Variants in MLLT1 observed in about 807,000 individuals in gnomAD.
The protein encoded by MLLT1 is MLLT1 super elongation complex subunit.
A neutral mutation model predicts 55.1 loss-of-function variants in MLLT1; 11 were observed. The ratio of observed to expected loss-of-function variants is 0.20; its 90% CI spans 0.13 to 0.33. The LOEUF is 0.33. Among genes scored for constraint, MLLT1 ranks in the 10% least tolerant of loss-of-function variants. The pLI is 1.00. For missense variants in MLLT1, 536 were observed against 760.6 expected (o/e 0.70, Z 3.47); for synonymous variants, 323 against 320.1 (o/e 1.01, Z -0.10).
intron 9 of MLLT1, 63 bp downstream of exon 9, chr19:6,213,876 C>T: frequency 6.5e-7 from 1 of 1,546,292 alleles, no homozygotes; most frequent in Non-Finnish European, 8.8e-7. Flanking sequence ...CCTCCTAGGA[C>T]AGCCCGGCCC....
intron 1 of MLLT1, among the ~76,000 whole-genome samples, chr19:6,278,981 G>A (rs1039205731): frequency 6.6e-6 from 1 of 152,230 alleles, no homozygotes; most frequent in Non-Finnish European, 1.5e-5. Context: ...CCGAAGGCCA[G>A]GGTCCTAGGG....
rs1162720785 is a variant in MLLT1, at chr19:6,265,065, C to CA, written c.194-2756dup. ...AAAAAAAAACAAAAAAACAAAAAAA[C>CA]AAAAAAAAACATGATGTCATAAAGC... On this transcript the variant is annotated intron_variant, in intron 2 of 11. Transcript: ENST00000252674. 2.5e-3 allele frequency among the ~76,000 whole-genome samples: 167 copies of CA among 67,172 alleles called. 3 individuals are homozygous for CA. The highest frequency in any genetic ancestry group is 0.01 in the African/African-American group (157 of 15,570). 44.1% of individuals were successfully genotyped at this position (67,172 alleles called of 152,430 possible).
In MLLT1 at chr19:6,230,819, T is replaced by A; in HGVS notation, c.277-106A>T. The A allele has an allele frequency of 1.4e-6, 2 of 1,395,474 alleles. No homozygotes were observed. The highest frequency in any genetic ancestry group is 2.0e-6 in the Non-Finnish European group (2 of 1,018,368). The allele number at this position is 1,395,474 out of a possible 1,614,324, so 86.4% of individuals were successfully genotyped here. On this transcript the variant is annotated intron_variant, in intron 3 of 11. Coordinates refer to ENST00000252674, the MANE Select transcript of MLLT1 (RefSeq NM_005934.4). The surrounding 1 kb of genome is among the most constrained non-coding windows in gnomAD (Gnocchi z 9.0). ...CCCCTCTCCCTCACTGGGCCTCTGT[T>A]CCCCTCCCTCCGATTTGCGCCCACT...
rs1382187475 is a variant in MLLT1, at chr19:6,229,321, C to T, written c.420+1249G>A. Among the ~76,000 whole-genome samples the T allele has an allele frequency of 6.6e-6, 1 of 152,132 alleles. No individual in the cohort carries two copies. The highest frequency in any genetic ancestry group is 1.9e-4 in the East Asian group (1 of 5,186). ...GATCAGAACCACAAGCAGGGCTTCA[C>T]AAGGATCACAGCAGGACTCACTCAA... On this transcript the variant is annotated intron_variant, in intron 4 of 11. Coordinates refer to ENST00000252674, the MANE Select transcript of MLLT1 (RefSeq NM_005934.4). This position sits in a 1 kb window ranked among gnomAD's most constrained non-coding sequence, Gnocchi z 5.2.
intron 3 of MLLT1, among the ~76,000 whole-genome samples, chr19:6,257,853 AAG>A (rs1216872079): frequency 1.3e-5 from 2 of 152,166 alleles, no homozygotes; most frequent in East Asian, 3.8e-4. Flanking sequence ...TTTCTCGAGA[AAG>A]AGATACGTGC....
intron 3 of MLLT1, among the ~76,000 whole-genome samples, chr19:6,247,437 C>G (rs79321491): frequency 0.011 from 1,691 of 152,122 alleles, 31 homozygotes; most frequent in African/African-American, 0.039. Context: ...GGCCCGAATG[C>G]GAGAACAATT....
rs139655596 is a variant in MLLT1, at chr19:6,222,541, C to T, written c.690G>A (p.Ser230=). ...GCAGCCGGCCCTCGCCCAGCTTCCG[C>T]GAGGTGTCCTTGGAGCTTTTGGCCT... ...REQAKSSKDT[S]RKLGEGRLPK... Residue 230 remains serine (S), a synonymous_variant, in exon 6 of 12, where the codon TCG becomes TCA. Transcript: ENST00000252674. This position sits in a 1 kb window ranked among gnomAD's most constrained non-coding sequence, Gnocchi z 4.1. 35,665 of 1,600,756 alleles carry T rather than the reference C, an allele frequency of 0.022. 546 individuals carry two copies. The highest frequency in any genetic ancestry group is 0.047 in the Middle Eastern group (286 of 6,026).
chr19:6,230,510 C>T lies in MLLT1; in HGVS notation c.420+60G>A. ...GACACCTCTGGCTGGGCACAGACGG[C>T]CGCAGCAAAGTAGCCTCGGTGGAGC... On this transcript the variant is annotated intron_variant, in intron 4 of 11. Coordinates refer to ENST00000252674, the MANE Select transcript of MLLT1 (RefSeq NM_005934.4). The surrounding 1 kb of genome is among the most constrained non-coding windows in gnomAD (Gnocchi z 9.0). 4 of 1,593,972 alleles carry T rather than the reference C, an allele frequency of 2.5e-6. No individual in the cohort carries two copies. The highest frequency in any genetic ancestry group is 3.4e-6 in the Non-Finnish European group (4 of 1,171,882).
chr19:6,214,005 G>T lies in MLLT1; in HGVS notation c.1341C>A (p.Ser447Arg). The change falls in exon 9 of 12, where the codon AGC becomes AGA. Residue 447 changes from serine to arginine, a missense_variant. Around this residue, in one of 3 missense-constraint regions of MLLT1, gnomAD observed 449 missense variants for 489.0 expected, o/e 0.92. Coordinates refer to ENST00000252674, the MANE Select transcript of MLLT1 (RefSeq NM_005934.4). ...LSFSDSESDN[S>R]ADSSLPSREP... ...CACGGCTGGGCAGGGAGGAGTCGGC[G>T]CTGTTGTCACTCTCGCTGTCGCTGA... 6.9e-7 allele frequency: 1 copy of T among 1,454,578 alleles called. No homozygotes were observed. 90.1% of individuals were successfully genotyped at this position (1,454,578 alleles called of 1,614,324 possible). A position where few individuals can be genotyped will look rare whatever the true frequency, so the allele number is the denominator to read the frequency against.
intron 3 of MLLT1, among the ~76,000 whole-genome samples, chr19:6,251,165 A>G (rs2144918368): frequency 6.6e-6 from 1 of 152,276 alleles, no homozygotes; most frequent in South Asian, 2.1e-4. Context: ...CTGGAACTAG[A>G]AGGAGACGGC....
intron 3 of MLLT1, among the ~76,000 whole-genome samples, chr19:6,248,730 G>A (rs1168572845): frequency 6.6e-6 from 1 of 152,146 alleles, no homozygotes; most frequent in East Asian, 1.9e-4. Flanking sequence ...AACATGAATT[G>A]AAAACTGGGA....
chr19:6,210,907 C>T lies in MLLT1; in HGVS notation c.*2135G>A, dbSNP rs573388181. ...CTCTGGAGGACAACGTGAGGCCTTCCGGCCAGAGGAGGTAACTGAGAACTG... is the reference window on the plus strand; with the variant it reads ...CTCTGGAGGACAACGTGAGGCCTTCTGGCCAGAGGAGGTAACTGAGAACTG... On this transcript the variant is annotated 3_prime_UTR_variant, in exon 12 of 12. Transcript: ENST00000252674. The surrounding 1 kb of genome is among the most constrained non-coding windows in gnomAD (Gnocchi z 4.6). 9.0e-4 allele frequency: 207 copies of T among 230,762 alleles called. No individual in the cohort carries two copies. The highest frequency in any genetic ancestry group is 1.5e-3 in the Non-Finnish European group (171 of 116,496). The allele number at this position is 230,762 out of a possible 1,614,324, so 14.3% of individuals were successfully genotyped here.
chr19:6,213,907 G>A (rs781177359), intron 9 of MLLT1, 32 bp downstream of exon 9: 7 of 1,483,798 alleles, frequency 4.7e-6, no homozygotes, highest in Non-Finnish European at 5.5e-6. Context: ...CCGGCCTCTG[G>A]TGCACCCCCT....
At chr19:6,249,084 C>T (rs924400347) in intron 3 of MLLT1, among the ~76,000 whole-genome samples, 6 of 152,072 alleles carry the variant, frequency 3.9e-5, no homozygotes, top group Admixed American at 1.3e-4. Flanking sequence ...TTTCTGATGA[C>T]GTTTCCATAT....
At chr19:6,216,689 G>T in intron 7 of MLLT1, 176 bp from the exon 8 acceptor site, 1 of 579,662 alleles carries the variant, frequency 1.7e-6, no homozygotes, top group Non-Finnish European at 3.1e-6. Flanking sequence ...CACACCGGCA[G>T]CCACCCGCTT....
In MLLT1 at chr19:6,273,320, G is replaced by A. The variant is rs547390744; in HGVS notation, c.13-2561C>T. Among the ~76,000 whole-genome samples the A allele has an allele frequency of 1.3e-3, 201 of 152,260 alleles. No individual in the cohort carries two copies. Among genetic ancestry groups the A allele is most frequent in the African/African-American group, 3.6e-3 (151 of 41,536 alleles). ...CAAAGCCACAGAACTGACAGGACCC[G>A]AGGGTGGAGGACATTCAGGTAACCC... On this transcript the variant is annotated intron_variant, in intron 1 of 11. Transcript: ENST00000252674. This position sits in a 1 kb window ranked among gnomAD's most constrained non-coding sequence, Gnocchi z 4.3.
At chr19:6,213,886 C>T in intron 9 of MLLT1, 53 bp downstream of exon 9, 1 of 1,528,908 alleles carries the variant, frequency 6.5e-7, no homozygotes, top group Non-Finnish European at 8.9e-7. Context: ...CAGCCCGGCC[C>T]AGGGCTAAGC....
chr19:6,215,762 C>T (rs920134036), intron 8 of MLLT1, among the ~76,000 whole-genome samples: 1 of 152,152 alleles, frequency 6.6e-6, no homozygotes, highest in Non-Finnish European at 1.5e-5. Flanking sequence ...TTTGGAAAAG[C>T]CTGGACCCCC....
chr19:6,244,520 T>A (rs891449781), intron 3 of MLLT1, among the ~76,000 whole-genome samples: 1 of 152,078 alleles, frequency 6.6e-6, no homozygotes, highest in Non-Finnish European at 1.5e-5. Context: ...GCCTCAAGTG[T>A]GGCAAAGGGT....
Sources: gnomAD v4.1 joint callset for allele counts (sites outside exome capture counted in the v4.1 genomes callset) on GRCh38, gnomAD v4.1.1 for gene constraint, gnomAD v4.1.1 regional missense constraint, Gnocchi (gnomAD v3.1) non-coding constraint, MANE v1.5 for transcripts, NCBI Gene and HGNC (gene_info 2026-07-23, HGNC 2026-07-21) for gene names.